MCIDAS: variants seen among roughly 807,000 people sequenced by gnomAD.
MCIDAS encodes the protein multiciliate differentiation and DNA synthesis associated cell cycle protein, also known as multicilin.
MCIDAS carries 23 observed loss-of-function variants against 35.4 expected under a neutral mutation model. The ratio of observed to expected loss-of-function variants is 0.65; its 90% CI spans 0.47 to 0.92. The LOEUF is 0.92. MCIDAS is among the 40% of genes least tolerant of loss of function. The pLI is 0.00. For synonymous variants in MCIDAS, 228 were observed against 235.2 expected (o/e 0.97, Z 0.28); for missense variants, 480 against 531.8 (o/e 0.90, Z 0.96).
chr5:55,220,827 C>A (rs1264135784), intron 6 of MCIDAS, 21 bp from the exon 7 acceptor site: 1 of 1,515,816 alleles, frequency 6.6e-7, no homozygotes, highest in East Asian at 2.5e-5. Flanking sequence ...CAGGGAAGAG[C>A]GCCGCCCTGG....
chr5:55,221,245 T>C, intron 5 of MCIDAS, 119 bp from the exon 6 acceptor site: 1 of 639,078 alleles, frequency 1.6e-6, no homozygotes. Context: ...GCACAGGCAT[T>C]TACGCTAGTG....
chr5:55,220,138 T>G lies in MCIDAS; in HGVS notation c.*228A>C. 1 of 461,526 alleles carries G rather than the reference T, an allele frequency of 2.2e-6. No individual in the cohort carries two copies. The highest frequency in any genetic ancestry group is 3.8e-5 in the Admixed American group (1 of 26,404). The allele number at this position is 461,526 out of a possible 1,614,324, so 28.6% of individuals were successfully genotyped here. Reference sequence around the variant, plus strand: ...TGCTAAAAATAAATACTTTTAAAATTGGCTGTGACATATGTGACATATACA... The same window carrying G: ...TGCTAAAAATAAATACTTTTAAAATGGGCTGTGACATATGTGACATATACA... On this transcript the variant is annotated 3_prime_UTR_variant, in exon 7 of 7. Coordinates refer to ENST00000513312, the MANE Select transcript of MCIDAS (RefSeq NM_001190787.3).
intron 3 of MCIDAS, among the ~76,000 whole-genome samples, chr5:55,224,535 C>T (rs563853723): frequency 7.9e-4 from 121 of 152,276 alleles, no homozygotes; most frequent in African/African-American, 2.8e-3. Context: ...GGGCCCCAGA[C>T]AAGTCCTGGA....
Position 55,223,135 on chromosome 5 carries a change from T to A in MCIDAS, c.310-112A>T. 1.2e-6 allele frequency: 1 copy of A among 816,060 alleles called. No individual in the cohort carries two copies. The allele number at this position is 816,060 out of a possible 1,614,324, so 50.6% of individuals were successfully genotyped here. A position where few individuals can be genotyped will look rare whatever the true frequency, so the allele number is the denominator to read the frequency against. ...GCAGGCACTATGCAATATATGCACG[T>A]AACACAACTGCACTTGTACCCCTAA... On this transcript the variant is annotated intron_variant, in intron 3 of 6. Transcript: ENST00000513312. The surrounding 1 kb of genome is among the most constrained non-coding windows in gnomAD (Gnocchi z 4.4).
Position 55,226,883 on chromosome 5 carries a change from C to T in MCIDAS, c.169G>A (p.Val57Met), listed in dbSNP as rs1745466393. 1.4e-6 allele frequency: 2 copies of T among 1,410,456 alleles called. No individual in the cohort carries two copies. Among genetic ancestry groups the T allele is most frequent in the South Asian group, 1.5e-5 (1 of 66,206 alleles). The allele number at this position is 1,410,456 out of a possible 1,614,324, so 87.4% of individuals were successfully genotyped here. The change falls in exon 2 of 7, where the codon GTG (valine) becomes ATG (methionine). Residue 57 changes from valine to methionine, a missense_variant. Physicochemically the swap from Val to Met is conservative, Grantham distance 21. Transcript: ENST00000513312. Reference sequence around the variant, plus strand: ...TCCGGGGGATCCTCGTACACCGACACCGGGCTCCCGCCTGTGCATCCGGGG... The same window carrying T: ...TCCGGGGGATCCTCGTACACCGACATCGGGCTCCCGCCTGTGCATCCGGGG... ...FFPGCTGGSP[V>M]SVYEDPPDAE...
chr5:55,222,331 G>GTGATATGTC lies in MCIDAS; in HGVS notation c.442_450dup (p.Asp148_Ser150dup). 6.5e-7 allele frequency: 1 copy of GTGATATGTC among 1,534,864 alleles called. No homozygotes were observed. Among genetic ancestry groups the GTGATATGTC allele is most frequent in the Non-Finnish European group, 8.7e-7 (1 of 1,146,156 alleles). On this transcript the variant is annotated inframe_insertion, in exon 5 of 7. Transcript: ENST00000513312. ...GGCGGGGAGAGGCAGGGCCCGAATGGTGATATGTCGCAAGGAGAGAAGGGG... is the reference window on the plus strand; with the variant it reads ...GGCGGGGAGAGGCAGGGCCCGAATGGTGATATGTCTGATATGTCGCAAGGAGAGAAGGGG...
intron 5 of MCIDAS, 141 bp from the exon 6 acceptor site, chr5:55,221,267 C>A: frequency 1.9e-6 from 1 of 514,362 alleles, no homozygotes; most frequent in Non-Finnish European, 3.2e-6. Context: ...GAATAATAAT[C>A]AATTTACTTT....
chr5:55,220,079 T>C lies in MCIDAS; in HGVS notation c.*287A>G. On this transcript the variant is annotated 3_prime_UTR_variant, in exon 7 of 7. Transcript: ENST00000513312. ...TATAAAAGTAACTATGGTTTCTAAATCCTTCCCTGCTCTAAAAATACATAA... is the reference window on the plus strand; with the variant it reads ...TATAAAAGTAACTATGGTTTCTAAACCCTTCCCTGCTCTAAAAATACATAA... 1 of 335,832 alleles carries C rather than the reference T, an allele frequency of 3.0e-6. No individual in the cohort carries two copies. The highest frequency in any genetic ancestry group is 5.4e-6 in the Non-Finnish European group (1 of 184,966). 20.8% of individuals were successfully genotyped at this position (335,832 alleles called of 1,614,324 possible). A position where few individuals can be genotyped will look rare whatever the true frequency, so the allele number is the denominator to read the frequency against.
At chr5:55,226,458 C>A (rs998779194) in intron 3 of MCIDAS, 118 bp downstream of exon 3, 1 of 983,576 alleles carries the variant, frequency 1.0e-6, no homozygotes, top group Non-Finnish European at 1.5e-6. Flanking sequence ...CTTCCCCTCA[C>A]CAGCTGAGTG....
At chr5:55,226,459 C>T in intron 3 of MCIDAS, 117 bp downstream of exon 3, 1 of 990,146 alleles carries the variant, frequency 1.0e-6, no homozygotes. Flanking sequence ...TTCCCCTCAC[C>T]AGCTGAGTGT....
At chr5:55,226,767 G>A (rs1240216819) in intron 2 of MCIDAS, 68 bp downstream of exon 2, 5 of 1,398,190 alleles carry the variant, frequency 3.6e-6, no homozygotes, top group Admixed American at 6.5e-5. Flanking sequence ...AAGCTCCTCC[G>A]AGCTGTGCGC....
chr5:55,223,133 C>T lies in MCIDAS; in HGVS notation c.310-110G>A, dbSNP rs2111695224. On this transcript the variant is annotated intron_variant, in intron 3 of 6. Coordinates refer to ENST00000513312, the MANE Select transcript of MCIDAS (RefSeq NM_001190787.3). The surrounding 1 kb of genome is among the most constrained non-coding windows in gnomAD (Gnocchi z 4.4). ...TGGCAGGCACTATGCAATATATGCA[C>T]GTAACACAACTGCACTTGTACCCCT... 1.2e-6 allele frequency: 1 copy of T among 817,480 alleles called. No individual in the cohort carries two copies. The highest frequency in any genetic ancestry group is 2.0e-6 in the Non-Finnish European group (1 of 508,518). The allele number at this position is 817,480 out of a possible 1,614,324, so 50.6% of individuals were successfully genotyped here.
chr5:55,220,161 A>G lies in MCIDAS; in HGVS notation c.*205T>C. On this transcript the variant is annotated 3_prime_UTR_variant, in exon 7 of 7. Transcript: ENST00000513312. ...ATTGGCTGTGACATATGTGACATAT[A>G]CATATATAAACAGAGTTTCACTGTG... 1.8e-6 allele frequency: 1 copy of G among 563,418 alleles called. No individual in the cohort carries two copies. The highest frequency in any genetic ancestry group is 3.1e-6 in the Non-Finnish European group (1 of 321,882). The allele number at this position is 563,418 out of a possible 1,614,324, so 34.9% of individuals were successfully genotyped here.
In MCIDAS at chr5:55,223,682, C is replaced by G. The variant is rs1014968459; in HGVS notation, c.310-659G>C. On this transcript the variant is annotated intron_variant, in intron 3 of 6. Coordinates refer to ENST00000513312, the MANE Select transcript of MCIDAS (RefSeq NM_001190787.3). The surrounding 1 kb of genome is among the most constrained non-coding windows in gnomAD (Gnocchi z 4.4). ...CGAGCAGTAATTTGAGGCCGCGTTT[C>G]CCGCCAAGGTTTGGCCCCAGCTAAC... 6.6e-6 allele frequency among the ~76,000 whole-genome samples: 1 copy of G among 152,224 alleles called. No individual in the cohort carries two copies. Among genetic ancestry groups the G allele is most frequent in the Non-Finnish European group, 1.5e-5 (1 of 68,034 alleles).
At position 55,222,969 on chromosome 5, in the gene MCIDAS, C is replaced by T; in HGVS notation, c.364G>A (p.Val122Met). 6.5e-7 allele frequency: 1 copy of T among 1,536,094 alleles called. No individual in the cohort carries two copies. The highest frequency in any genetic ancestry group is 8.7e-7 in the Non-Finnish European group (1 of 1,146,900). Residue 122 changes from valine (V) to methionine (M), a missense_variant, in exon 4 of 7, where the codon GTG becomes ATG. Transcript: ENST00000513312. ...CACTTGCCTGAAATGAGATCATCCA[C>T]CGTGTCTCTGAAATCTTGCAGATTG... ...DFNLQDFRDT[V>M]DDLISDSSSM...
At position 55,223,747 on chromosome 5, in the gene MCIDAS, T is replaced by C. The variant is rs1009301945; in HGVS notation, c.310-724A>G. On this transcript the variant is annotated intron_variant, in intron 3 of 6. Transcript: ENST00000513312. This position sits in a 1 kb window ranked among gnomAD's most constrained non-coding sequence, Gnocchi z 4.4. The stretch of plus-strand genomic sequence containing the variant: ...AACCGAGCGGGAAGAAAGCTGTGAT[T>C]CGAGGGGCCAGGAGAATACGGGAAA... 6.6e-6 allele frequency among the ~76,000 whole-genome samples: 1 copy of C among 152,196 alleles called. No homozygotes were observed. Among genetic ancestry groups the C allele is most frequent in the African/African-American group, 2.4e-5 (1 of 41,444 alleles).
Position 55,221,040 on chromosome 5 carries a change from G to A in MCIDAS, c.693C>T (p.Thr231=). The change falls in exon 6 of 7, where the codon ACC becomes ACT. Residue 231 remains threonine (T), a synonymous_variant. Transcript: ENST00000513312. ...CATCCAGCACCGAGGCCAGGTGCCG[G>A]GTTCGGCTGGCGAGTTCCTTCAGCT... The part of the protein sequence containing the change: ...NVQLKELASR[T]RHLASVLDKL... 1 of 1,536,056 alleles carries A rather than the reference G, an allele frequency of 6.5e-7. No homozygotes were observed. Among genetic ancestry groups the A allele is most frequent in the Non-Finnish European group, 8.7e-7 (1 of 1,146,862 alleles).
At position 55,226,838 on chromosome 5, in the gene MCIDAS, G is replaced by A; in HGVS notation, c.214C>T (p.Pro72Ser). ...DPPDAEPTAL[P>S]ALTTIDLQDL... ...GCGTGGGTGCCACGGGGCTCACCTG[G>A]CAGCGCTGTGGGCTCGGCGTCCGGG... is the stretch of plus-strand genomic sequence containing the variant. Residue 72 changes from proline to serine, a missense_variant, in exon 2 of 7, where the codon CCA (proline) becomes TCA (serine). Transcript: ENST00000513312. The A allele has an allele frequency of 1.4e-6, 2 of 1,390,620 alleles. No homozygotes were observed. Among genetic ancestry groups the A allele is most frequent in the Non-Finnish European group, 1.9e-6 (2 of 1,078,842 alleles). 86.1% of individuals were successfully genotyped at this position (1,390,620 alleles called of 1,614,324 possible). A position where few individuals can be genotyped will look rare whatever the true frequency, so the allele number is the denominator to read the frequency against.
rs1291009650 is a variant in MCIDAS at position 55,220,586 on chromosome 5, T to G, written c.938A>C (p.Asp313Ala). 2 of 1,536,068 alleles carry G rather than the reference T, an allele frequency of 1.3e-6. No individual in the cohort carries two copies. Among genetic ancestry groups the G allele is most frequent in the South Asian group, 2.4e-5 (2 of 84,060 alleles). Residue 313 changes from aspartate to alanine, a missense_variant, in exon 7 of 7, where the codon GAC (aspartate) becomes GCC (alanine). Coordinates refer to ENST00000513312, the MANE Select transcript of MCIDAS (RefSeq NM_001190787.3). ...PRLLPEPANT[D>A]TRPGNLHGAF... ...GCCATGCAGGTTCCCGGGCCTGGTG[T>G]CAGTATTCGCGGGCTCTGGCAGCAG... is the stretch of plus-strand genomic sequence containing the variant.
Sources: gnomAD v4.1 joint callset for allele counts (sites outside exome capture counted in the v4.1 genomes callset) on GRCh38, gnomAD v4.1.1 for gene constraint, Gnocchi (gnomAD v3.1) non-coding constraint, MANE v1.5 for transcripts, NCBI Gene and HGNC (gene_info 2026-07-23, HGNC 2026-07-21) for gene names.